CLSTN2: variants seen among roughly 807,000 people sequenced by gnomAD.
CLSTN2 encodes calsyntenin-2.
CLSTN2 carries 48 observed loss-of-function variants against 101.2 expected under a neutral mutation model. The ratio of observed to expected loss-of-function variants is 0.47; its 90% CI spans 0.38 to 0.60. The LOEUF is 0.60. CLSTN2 is among the 20% of genes least tolerant of loss of function. CLSTN2 has a pLI of 0.00. For synonymous variants in CLSTN2, 481 were observed against 463.6 expected (o/e 1.04, Z -0.48); for missense variants, 1,160 against 1,238.2 (o/e 0.94, Z 0.95).
intron 1 of CLSTN2, among the ~76,000 whole-genome samples, chr3:140,025,280 G>A (rs2007395618): frequency 6.6e-6 from 1 of 152,178 alleles, no homozygotes. Flanking sequence ...TGTACATCTA[G>A]TGGCAGGCCT....
chr3:140,179,421 C>T (rs1431666948), intron 2 of CLSTN2, among the ~76,000 whole-genome samples: 7 of 149,312 alleles, frequency 4.7e-5, no homozygotes, highest in East Asian at 2.0e-4. Context: ...AGTTTGATAC[C>T]GGCCTGGGAA....
chr3:140,402,127 T>A (rs2088249704), intron 2 of CLSTN2, among the ~76,000 whole-genome samples: 1 of 152,226 alleles, frequency 6.6e-6, no homozygotes, highest in African/African-American at 2.4e-5. Context: ...GTAAGATTGG[T>A]ATTGATTGAA....
In CLSTN2 at chr3:140,564,141, T is replaced by C. The variant is rs761574964; in HGVS notation, c.2663T>C (p.Met888Thr). ...GCGCTGACTATCACAGTCAACCCCATGGAGGTGATCCTCATGCACGGCTGG... is the reference window on the plus strand; with the variant it reads ...GCGCTGACTATCACAGTCAACCCCACGGAGGTGATCCTCATGCACGGCTGG... ...DSALTITVNP[M>T]EKHEGPGHGE... Residue 888 changes from methionine (M) to threonine (T), a missense_variant, in exon 16 of 17, where the codon ATG becomes ACG. Met to Thr is a moderately conservative substitution (Grantham distance 81). Coordinates refer to ENST00000458420, the MANE Select transcript of CLSTN2 (RefSeq NM_022131.3). 4 of 1,613,758 alleles carry C rather than the reference T, an allele frequency of 2.5e-6. No individual in the cohort carries two copies. Among genetic ancestry groups the C allele is most frequent in the Non-Finnish European group, 3.4e-6 (4 of 1,179,824 alleles).
chr3:140,032,002 G>A (rs182968337), intron 1 of CLSTN2, among the ~76,000 whole-genome samples: 4 of 152,262 alleles, frequency 2.6e-5, no homozygotes, highest in Admixed American at 2.6e-4. Context: ...ATACTCTGTA[G>A]CGATGGGAAC....
At chr3:140,245,942 T>C (rs2086511971) in intron 2 of CLSTN2, among the ~76,000 whole-genome samples, 1 of 152,200 alleles carries the variant, frequency 6.6e-6, no homozygotes, top group South Asian at 2.1e-4. Flanking sequence ...TGTGTATCAC[T>C]GATATTCGTA....
intron 1 of CLSTN2, among the ~76,000 whole-genome samples, chr3:140,088,853 C>T (rs2008721839): frequency 6.6e-6 from 1 of 152,212 alleles, no homozygotes; most frequent in South Asian, 2.1e-4. Context: ...CTGTCACATT[C>T]TCATATTTTC....
intron 1 of CLSTN2, among the ~76,000 whole-genome samples, chr3:139,955,172 T>C (rs1429655186): frequency 1.5e-5 from 2 of 129,838 alleles, no homozygotes; most frequent in African/African-American, 6.0e-5. Context: ...TAACATCTGA[T>C]TTATTTGAAA....
chr3:140,359,115 T>C (rs556546157), intron 2 of CLSTN2, among the ~76,000 whole-genome samples: 3 of 150,928 alleles, frequency 2.0e-5, no homozygotes, highest in South Asian at 4.2e-4. Context: ...AAGCAGGAGA[T>C]GGCAGTTTCT....
intron 8 of CLSTN2, among the ~76,000 whole-genome samples, chr3:140,484,433 T>G (rs1203082733): frequency 6.6e-6 from 1 of 152,184 alleles, no homozygotes; most frequent in Non-Finnish European, 1.5e-5. Context: ...AATATGACAA[T>G]TATGTGTCTT....
chr3:140,421,470 A>T (rs757311181), intron 5 of CLSTN2, among the ~76,000 whole-genome samples, 196 bp downstream of exon 5: 2 of 152,228 alleles, frequency 1.3e-5, no homozygotes, highest in Non-Finnish European at 2.9e-5. Flanking sequence ...AATGTCGAAG[A>T]CATCTCCTCT....
In CLSTN2 at chr3:140,203,582, G is replaced by A. The variant is rs1282411939; in HGVS notation, c.232+27509G>A. The stretch of plus-strand genomic sequence containing the variant: ...TCCTGAGACCACGGTGCAATTTGGC[G>A]CATGGCCCGTGCCTCTGCCAGTCAC... On this transcript the variant is annotated intron_variant, in intron 2 of 16. Coordinates refer to ENST00000458420, the MANE Select transcript of CLSTN2 (RefSeq NM_022131.3). Among the ~76,000 whole-genome samples, 9 of 149,304 alleles carry A rather than the reference G, an allele frequency of 6.0e-5. No homozygotes were observed. In the East Asian group the frequency reaches 8.0e-4, roughly 13 times the overall value.
Position 140,563,088 on chromosome 3 carries a change from C to T in CLSTN2, c.2367C>T (p.Ile789=), listed in dbSNP as rs771072195. 6 of 1,613,978 alleles carry T rather than the reference C, an allele frequency of 3.7e-6. No individual in the cohort carries two copies. Among genetic ancestry groups the T allele is most frequent in the Admixed American group, 3.3e-5 (2 of 60,008 alleles). Residue 789 remains isoleucine (I), a synonymous_variant, in exon 15 of 17, where the codon ATC becomes ATT. Coordinates refer to ENST00000458420, the MANE Select transcript of CLSTN2 (RefSeq NM_022131.3). ...TSNEFNLEVS[I]LHEDQVSDKE... ...CTCCCCACTCTTCCCAGGTCAGCAT[C>T]CTTCATGAAGACCAAGTCTCAGATA... is the stretch of plus-strand genomic sequence containing the variant.
intron 1 of CLSTN2, among the ~76,000 whole-genome samples, chr3:140,148,116 A>G (rs1320875570): frequency 6.6e-6 from 1 of 152,182 alleles, no homozygotes; most frequent in African/African-American, 2.4e-5. Flanking sequence ...TGTTCACGCA[A>G]TTGCTCCCCA....
intron 2 of CLSTN2, among the ~76,000 whole-genome samples, chr3:140,349,940 C>T (rs2087587690): frequency 6.6e-6 from 1 of 152,204 alleles, no homozygotes; most frequent in South Asian, 2.1e-4. Flanking sequence ...CTCTGACATC[C>T]TCCCCTCCAC....
intron 8 of CLSTN2, among the ~76,000 whole-genome samples, chr3:140,469,142 T>G (rs1254154699): frequency 6.6e-6 from 1 of 152,220 alleles, no homozygotes; most frequent in East Asian, 1.9e-4. Context: ...TTTGACCTCA[T>G]TTAACCTTAA....
At chr3:139,978,914 CTA>C (rs1182740122) in intron 1 of CLSTN2, among the ~76,000 whole-genome samples, 2 of 152,234 alleles carry the variant, frequency 1.3e-5, no homozygotes, top group South Asian at 4.2e-4. Context: ...AGGATAAATG[CTA>C]TGTTTTGGCA....
chr3:140,185,191 T>C (rs1042342242), intron 2 of CLSTN2, among the ~76,000 whole-genome samples: 1 of 152,224 alleles, frequency 6.6e-6, no homozygotes, highest in Non-Finnish European at 1.5e-5. Flanking sequence ...TTCAGGATCC[T>C]GGGCTTAGTC....
At chr3:140,158,820 C>T (rs1467046211) in intron 1 of CLSTN2, among the ~76,000 whole-genome samples, 2 of 152,066 alleles carry the variant, frequency 1.3e-5, no homozygotes, top group Admixed American at 6.6e-5. Context: ...GGTACTGGCA[C>T]AAAAACAGAC....
chr3:140,140,571 A>T (rs959784963), intron 1 of CLSTN2, among the ~76,000 whole-genome samples: 4 of 152,218 alleles, frequency 2.6e-5, no homozygotes, highest in East Asian at 1.9e-4. Flanking sequence ...CAACATTGGG[A>T]ATCACATTTC....
Sources: gnomAD v4.1 joint callset for allele counts (sites outside exome capture counted in the v4.1 genomes callset) on GRCh38, gnomAD v4.1.1 for gene constraint, MANE v1.5 for transcripts, NCBI Gene and HGNC (gene_info 2026-07-23, HGNC 2026-07-21) for gene names.